Variants in KIF26B observed in about 807,000 individuals in gnomAD.
The protein encoded by KIF26B is kinesin-like protein KIF26B.
KIF26B carries 63 observed loss-of-function variants against 151.2 expected under a neutral mutation model. That is an observed-to-expected ratio of 0.42 (90% CI 0.34 to 0.51). The LOEUF (loss-of-function observed/expected upper bound fraction) is 0.51, where lower values mean the gene tolerates loss of function less well. Among genes scored for constraint, KIF26B ranks in the 20% least tolerant of loss-of-function variants. The probability of loss-of-function intolerance (pLI) is 0.07; values close to 1 mark genes in which losing one functional copy is unlikely to be tolerated. For synonymous variants in KIF26B, 1,357 were observed against 1,262.1 expected, an observed-to-expected ratio of 1.08 and a Z score of -1.59; for missense variants, 2,813 against 2,913.6, an observed-to-expected ratio of 0.97 and a Z score of 0.79.
chr1:245,202,965 A>C (rs1275982955), intron 2 of KIF26B, among the ~76,000 whole-genome samples: 7 of 131,264 alleles, frequency 5.3e-5, no homozygotes, highest in Non-Finnish European at 1.2e-4. Flanking sequence ...CAAAACAAAA[A>C]CAAAAAAGGC....
intron 2 of KIF26B, among the ~76,000 whole-genome samples, chr1:245,257,455 G>A (rs4658733): frequency 0.12 from 18,802 of 152,150 alleles, 1,614 homozygotes; most frequent in Admixed American, 0.26. Flanking sequence ...CCCCTGCCTC[G>A]AGGGAATACG....
chr1:245,517,558 C>G (rs1485819508), intron 4 of KIF26B, among the ~76,000 whole-genome samples: 1 of 152,178 alleles, frequency 6.6e-6, no homozygotes, highest in Non-Finnish European at 1.5e-5. Context: ...ATTTGCCACA[C>G]AAACATTTAT....
chr1:245,156,515 C>T lies in KIF26B; in HGVS notation c.297C>T (p.Ser99=), dbSNP rs1305875859. The change falls in exon 2 of 15, where the codon TCC becomes TCT. Residue 99 remains serine (S), a synonymous_variant. Transcript: ENST00000407071. ...GCATCGGCACTAGTTCGCCGGGCTCCTTGGGCGGCTCTCCGGGCTTCGGCA... is the reference window on the plus strand; with the variant it reads ...GCATCGGCACTAGTTCGCCGGGCTCTTTGGGCGGCTCTCCGGGCTTCGGCA... ...SPGIGTSSPG[S]LGGSPGFGTG... is the part of the protein sequence containing the mutation. 10 of 1,532,452 alleles carry T rather than the reference C, an allele frequency of 6.5e-6. No homozygotes were observed. The highest frequency in any genetic ancestry group is 8.7e-6 in the Non-Finnish European group (10 of 1,144,358). 94.9% of individuals were successfully genotyped at this position (1,532,452 alleles called of 1,614,324 possible).
intron 2 of KIF26B, among the ~76,000 whole-genome samples, chr1:245,319,823 T>C (rs1671849956): frequency 6.6e-6 from 1 of 152,180 alleles, no homozygotes; most frequent in Non-Finnish European, 1.5e-5. Context: ...CCATGTGGCT[T>C]GGAGACTATG....
intron 2 of KIF26B, among the ~76,000 whole-genome samples, chr1:245,243,807 T>C (rs996573476): frequency 4.6e-5 from 7 of 151,856 alleles, no homozygotes; most frequent in African/African-American, 1.5e-4. Flanking sequence ...GCCGAGATCA[T>C]GCCACTGCAC....
chr1:245,181,766 A>AT (rs955697943), intron 2 of KIF26B, among the ~76,000 whole-genome samples: 3 of 152,024 alleles, frequency 2.0e-5, no homozygotes, highest in East Asian at 1.9e-4. Flanking sequence ...TGTTGGGTCT[A>AT]TTTTTTTATG....
chr1:245,175,801 A>C (rs1215004813), intron 2 of KIF26B, among the ~76,000 whole-genome samples: 2 of 151,968 alleles, frequency 1.3e-5, no homozygotes, highest in Non-Finnish European at 2.9e-5. Flanking sequence ...TGTAGAGTTA[A>C]AAGAGTCACG....
At chr1:245,360,297 C>G (rs1672789564) in intron 2 of KIF26B, among the ~76,000 whole-genome samples, 1 of 152,110 alleles carries the variant, frequency 6.6e-6, no homozygotes, top group African/African-American at 2.4e-5. Context: ...AAAGACAGCC[C>G]TAAGATCATT....
intron 2 of KIF26B, among the ~76,000 whole-genome samples, chr1:245,207,730 T>C (rs1485936599): frequency 6.6e-6 from 1 of 152,154 alleles, no homozygotes; most frequent in East Asian, 1.9e-4. Context: ...GCTAAGTTGG[T>C]AGTTTCCACT....
intron 4 of KIF26B, among the ~76,000 whole-genome samples, chr1:245,471,693 C>T (rs1410496886): frequency 2.6e-5 from 4 of 151,974 alleles, no homozygotes; most frequent in Non-Finnish European, 4.4e-5. Flanking sequence ...ATATAATATA[C>T]ATATTAATCA....
In KIF26B at chr1:245,476,511, TTTATTTATTTATTTATTTAC is replaced by T. The variant is rs1269652169; in HGVS notation, c.1166+56770_1166+56789del. Among the ~76,000 whole-genome samples, 47 of 121,868 alleles carry T rather than the reference TTTATTTATTTATTTATTTAC, an allele frequency of 3.9e-4. No individual in the cohort carries two copies. The East Asian group carries it at 0.014, about 36-fold the overall frequency. 80.0% of individuals were successfully genotyped at this position (121,868 alleles called of 152,430 possible). A position where few individuals can be genotyped will look rare whatever the true frequency, so the allele number is the denominator to read the frequency against. On this transcript the variant is annotated intron_variant, in intron 4 of 14. Transcript: ENST00000407071. ...CTTAAAAGACACATTTATTTATTTA[TTTATTTATTTATTTATTTAC>T]TTACTTACTTACTTACTTACTTGAG...
intron 2 of KIF26B, among the ~76,000 whole-genome samples, chr1:245,285,625 A>T (rs1435241165): frequency 7.3e-6 from 1 of 136,510 alleles, no homozygotes; most frequent in Admixed American, 8.0e-5. Context: ...TCCAGATGAG[A>T]TATTTCCTAA....
intron 4 of KIF26B, among the ~76,000 whole-genome samples, chr1:245,531,674 A>C (rs1661364618): frequency 6.6e-6 from 1 of 152,224 alleles, no homozygotes; most frequent in Non-Finnish European, 1.5e-5. Flanking sequence ...GCGCCTATAG[A>C]AGAAAGTAAA....
chr1:245,406,527 G>A (rs1227203350), intron 3 of KIF26B, among the ~76,000 whole-genome samples: 1 of 152,188 alleles, frequency 6.6e-6, no homozygotes, highest in African/African-American at 2.4e-5. Context: ...GCCTAAAGAT[G>A]TATGTTCATG....
intron 10 of KIF26B, among the ~76,000 whole-genome samples, chr1:245,677,246 A>G (rs76936424): frequency 0.03 from 4,523 of 152,258 alleles, 233 homozygotes; most frequent in African/African-American, 0.1. Flanking sequence ...GCTCTCCTTG[A>G]TGAGACAACT....
intron 2 of KIF26B, among the ~76,000 whole-genome samples, chr1:245,259,278 A>G (rs979837962): frequency 6.6e-6 from 1 of 152,128 alleles, no homozygotes; most frequent in African/African-American, 2.4e-5. Flanking sequence ...GGTGGTGCGG[A>G]CTGAGGAATA....
intron 2 of KIF26B, among the ~76,000 whole-genome samples, chr1:245,322,906 G>A (rs1447860120): frequency 6.6e-6 from 1 of 152,154 alleles, no homozygotes; most frequent in East Asian, 1.9e-4. Flanking sequence ...TGGCAGCATA[G>A]TCTAGTAGAA....
intron 4 of KIF26B, among the ~76,000 whole-genome samples, chr1:245,425,738 G>A (rs1161552023): frequency 6.6e-6 from 1 of 152,196 alleles, no homozygotes; most frequent in African/African-American, 2.4e-5. Context: ...ATTAGCTTCT[G>A]TAGAATTTTC....
intron 2 of KIF26B, among the ~76,000 whole-genome samples, chr1:245,304,479 C>T (rs888008654): frequency 1.3e-5 from 2 of 152,170 alleles, no homozygotes; most frequent in African/African-American, 4.8e-5. Context: ...GCTCTTGAAT[C>T]GTCAGAAATA....
Sources: allele counts gnomAD v4.1 joint callset (sites outside exome capture counted in the v4.1 genomes callset), GRCh38; gene constraint gnomAD v4.1.1; transcripts MANE v1.5; gene names NCBI Gene and HGNC (gene_info 2026-07-23, HGNC 2026-07-21).